The following RAVER2 variants were observed in gnomAD, a reference collection of about 807,000 sequenced individuals.
RAVER2 encodes ribonucleoprotein, PTB binding 2.
Under a neutral mutation model 78.1 loss-of-function variants are expected in RAVER2, and 46 were observed. The observed-to-expected ratio is 0.59, with a 90% CI of 0.46 to 0.75. RAVER2 has a LOEUF of 0.75. Ranked by LOEUF, RAVER2 falls within the 30% of genes least tolerant of loss-of-function variation. The probability of loss-of-function intolerance (pLI) is 0.00; values close to 1 mark genes in which losing one functional copy is unlikely to be tolerated. For missense variants in RAVER2, 793 were observed against 837.5 expected (o/e 0.95, Z 0.66); for synonymous variants, 311 against 313.3 (o/e 0.99, Z 0.08).
chr1:64,775,231 A>G (rs931581959), intron 2 of RAVER2, among the ~76,000 whole-genome samples: 1 of 152,202 alleles, frequency 6.6e-6, no homozygotes, highest in African/African-American at 2.4e-5. Flanking sequence ...ATGTGGCACT[A>G]AAGGTTAGAA....
At chr1:64,789,143 G>C (rs963409931) in intron 4 of RAVER2, among the ~76,000 whole-genome samples, 1 of 152,188 alleles carries the variant, frequency 6.6e-6, no homozygotes, top group Non-Finnish European at 1.5e-5. Context: ...GACTCATTGT[G>C]CTAAATTGTC....
At chr1:64,745,088 G>T, upstream of RAVER2, 1 of 997,618 alleles carries the variant, frequency 1.0e-6, no homozygotes, top group Non-Finnish European at 1.2e-6. This position sits in a 1 kb window ranked among gnomAD's most constrained non-coding sequence, Gnocchi z 4.3. Context: ...TGCCCGCCTC[G>T]CCCTCGCCCG....
At chr1:64,786,916 A>G (rs867411232) in intron 4 of RAVER2, among the ~76,000 whole-genome samples, 3 of 152,206 alleles carry the variant, frequency 2.0e-5, no homozygotes, top group South Asian at 4.1e-4. Flanking sequence ...TTCTTTATCT[A>G]TAGAATGGAG....
chr1:64,811,726 G>T (rs959533976), intron 9 of RAVER2, among the ~76,000 whole-genome samples: 2 of 152,112 alleles, frequency 1.3e-5, no homozygotes, highest in Non-Finnish European at 2.9e-5. Context: ...TTGGCTGTTG[G>T]TAAGGCTTCT....
chr1:64,817,578 A>C (rs1653784764), intron 11 of RAVER2, among the ~76,000 whole-genome samples: 1 of 152,166 alleles, frequency 6.6e-6, no homozygotes, highest in Admixed American at 6.5e-5. Context: ...CAGCCATAAA[A>C]AAGGATGAGC....
chr1:64,755,738 T>G (rs1263149494), intron 1 of RAVER2, among the ~76,000 whole-genome samples: 2 of 143,926 alleles, frequency 1.4e-5, no homozygotes, highest in African/African-American at 2.6e-5. Context: ...TTTTTTTTTT[T>G]TTTTTTTTTT....
At chr1:64,797,263 A>AT in intron 5 of RAVER2, among the ~76,000 whole-genome samples, 1 of 152,090 alleles carries the variant, frequency 6.6e-6, no homozygotes, top group Non-Finnish European at 1.5e-5. Context: ...ATCCTTACTG[A>AT]TTTTTCATCA....
chr1:64,776,836 T>C (rs1225301776), intron 2 of RAVER2, among the ~76,000 whole-genome samples: 1 of 152,210 alleles, frequency 6.6e-6, no homozygotes, highest in Non-Finnish European at 1.5e-5. Flanking sequence ...TAATATTTCA[T>C]TGATTTAGAA....
intron 11 of RAVER2, among the ~76,000 whole-genome samples, chr1:64,821,383 G>C (rs1198469233): frequency 6.6e-6 from 1 of 152,096 alleles, no homozygotes; most frequent in African/African-American, 2.4e-5. Flanking sequence ...TCTTTTGCTT[G>C]CAGAGGCTCT....
intron 10 of RAVER2, 129 bp downstream of exon 10, chr1:64,812,978 T>G: frequency 1.9e-6 from 1 of 537,786 alleles, no homozygotes; most frequent in Middle Eastern, 2.9e-4. Context: ...AAATTATTCT[T>G]TAAATTGAAA....
intron 1 of RAVER2, among the ~76,000 whole-genome samples, chr1:64,765,635 A>G (rs1448583443): frequency 6.6e-6 from 1 of 152,168 alleles, no homozygotes; most frequent in Non-Finnish European, 1.5e-5. Context: ...GAGGAATGGG[A>G]TAGTGAAGGA....
intron 2 of RAVER2, among the ~76,000 whole-genome samples, chr1:64,770,038 A>T (rs1384297354): frequency 6.6e-6 from 1 of 152,030 alleles, no homozygotes; most frequent in Non-Finnish European, 1.5e-5. Flanking sequence ...ACTACATGTA[A>T]TTATCATGTG....
At chr1:64,788,972 G>T (rs1366833368) in intron 4 of RAVER2, among the ~76,000 whole-genome samples, 1 of 152,110 alleles carries the variant, frequency 6.6e-6, no homozygotes, top group East Asian at 1.9e-4. Flanking sequence ...GCCTCCCAAA[G>T]TGTCACGATT....
chr1:64,814,792 A>T (rs1653714753), exon 11 of RAVER2: 5 of 1,590,232 alleles, frequency 3.1e-6, no homozygotes, highest in Non-Finnish European at 4.3e-6. Flanking sequence ...CACAACACGC[A>T]TTGGAAAAGT....
chr1:64,749,026 G>A (rs1651621228), intron 1 of RAVER2, among the ~76,000 whole-genome samples: 1 of 151,210 alleles, frequency 6.6e-6, no homozygotes, highest in African/African-American at 2.4e-5. Context: ...TTTTTGTAGA[G>A]ACATCGTATC....
At chr1:64,771,230 C>T (rs1652308369) in intron 2 of RAVER2, among the ~76,000 whole-genome samples, 1 of 151,936 alleles carries the variant, frequency 6.6e-6, no homozygotes, top group South Asian at 2.1e-4. Flanking sequence ...TTGGAAACAA[C>T]ACAATTGAAA....
In RAVER2 at chr1:64,794,258, C is replaced by T. The variant is rs1168479483; in HGVS notation, c.1105+4744C>T. Among the ~76,000 whole-genome samples the T allele has an allele frequency of 3.9e-5, 6 of 151,934 alleles. No individual in the cohort carries two copies. The East Asian group carries it at 9.7e-4, about 25-fold the overall frequency. On this transcript the variant is annotated intron_variant, in intron 5 of 11. Coordinates refer to ENST00000294428, the Ensembl canonical transcript of RAVER2. The stretch of plus-strand genomic sequence containing the variant: ...CTAAAAATACAAAAAATTAGCCGGG[C>T]GTGGTGGTGGGCGCCTGTAGTCCCA...
intron 1 of RAVER2, among the ~76,000 whole-genome samples, chr1:64,750,067 T>C (rs1651654554): frequency 6.6e-6 from 1 of 152,180 alleles, no homozygotes; most frequent in Non-Finnish European, 1.5e-5. Flanking sequence ...TCAGGATCAG[T>C]AATAGAGGAA....
intron 2 of RAVER2, among the ~76,000 whole-genome samples, chr1:64,776,309 A>G (rs72918079): frequency 0.022 from 3,415 of 152,214 alleles, 145 homozygotes; most frequent in African/African-American, 0.079. Context: ...ATTTTTTCTC[A>G]TTTTTTGGAA....
Sources: allele counts gnomAD v4.1 joint callset (sites outside exome capture counted in the v4.1 genomes callset), GRCh38; gene constraint gnomAD v4.1.1; non-coding constraint Gnocchi (gnomAD v3.1); transcripts MANE v1.5; gene names NCBI Gene and HGNC (gene_info 2026-07-23, HGNC 2026-07-21).